TRIM13: variants seen among roughly 807,000 people sequenced by gnomAD.
TRIM13 encodes tripartite motif containing 13, also known as E3 ubiquitin-protein ligase TRIM13.
A neutral mutation model predicts 27.1 loss-of-function variants in TRIM13; 15 were observed. The observed-to-expected ratio is 0.55, with a 90% CI of 0.37 to 0.85. The LOEUF is 0.85. Ranked by LOEUF, TRIM13 falls within the 40% of genes least tolerant of loss-of-function variation. TRIM13 has a pLI of 0.00. For missense variants in TRIM13, 402 were observed against 472.2 expected, an observed-to-expected ratio of 0.85 and a Z score of 1.38; for synonymous variants, 193 against 171.5, an observed-to-expected ratio of 1.13 and a Z score of -0.98.
At chr13:49,999,208 C>G (rs1487980477) in intron 1 of TRIM13, among the ~76,000 whole-genome samples, 2 of 151,952 alleles carry the variant, frequency 1.3e-5, no homozygotes, top group African/African-American at 4.8e-5. Context: ...CAGGTAGAAG[C>G]TACATTTGCA....
intron 1 of TRIM13, among the ~76,000 whole-genome samples, chr13:50,009,411 C>T (rs1875255401): frequency 6.6e-6 from 1 of 152,022 alleles, no homozygotes; most frequent in Non-Finnish European, 1.5e-5. Flanking sequence ...ATTTCTAGAC[C>T]TGCCTGGGCA....
At chr13:49,998,412 C>T (rs1251758764) in intron 1 of TRIM13, among the ~76,000 whole-genome samples, 1 of 152,134 alleles carries the variant, frequency 6.6e-6, no homozygotes, top group Admixed American at 6.5e-5. Flanking sequence ...GTACCTGATA[C>T]CTTATGTAAT....
chr13:50,002,752 G>A (rs1355466613), intron 1 of TRIM13, among the ~76,000 whole-genome samples: 3 of 151,322 alleles, frequency 2.0e-5, no homozygotes, highest in South Asian at 2.1e-4. Flanking sequence ...AACCTCTGCC[G>A]CCTGGGTTCA....
intron 1 of TRIM13, among the ~76,000 whole-genome samples, chr13:50,000,664 G>A (rs1873913856): frequency 6.6e-6 from 1 of 152,202 alleles, no homozygotes; most frequent in Non-Finnish European, 1.5e-5. Context: ...ACGGACACAT[G>A]GGATTGGAAT....
At chr13:50,006,041 GA>G (rs1874666669) in intron 1 of TRIM13, among the ~76,000 whole-genome samples, 1 of 152,006 alleles carries the variant, frequency 6.6e-6, no homozygotes, top group East Asian at 1.9e-4. Flanking sequence ...TAAAGTGAAT[GA>G]AAATAAGAAT....
At chr13:49,998,166 G>A (rs1411352139) in intron 1 of TRIM13, among the ~76,000 whole-genome samples, 4 of 152,124 alleles carry the variant, frequency 2.6e-5, no homozygotes, top group African/African-American at 9.7e-5. Context: ...CCTTCTAGTA[G>A]AACTTGATGG....
intron 1 of TRIM13, among the ~76,000 whole-genome samples, chr13:50,010,593 A>G (rs1182128925): frequency 2.0e-5 from 3 of 152,208 alleles, no homozygotes; most frequent in Non-Finnish European, 2.9e-5. Flanking sequence ...AAATCCTCAC[A>G]TTCATTAATA....
intron 1 of TRIM13, among the ~76,000 whole-genome samples, chr13:50,007,551 C>T (rs565683781): frequency 3.4e-5 from 5 of 148,792 alleles, no homozygotes; most frequent in East Asian, 2.0e-4. Flanking sequence ...GTTTGGGAGG[C>T]GGGTGGATTG....
rs772229756 is a variant in TRIM13, at chr13:50,012,414, T to C, written c.474T>C (p.Leu158=). 3.1e-6 allele frequency: 5 copies of C among 1,614,130 alleles called. No homozygotes were observed. The South Asian group carries it at 5.5e-5, about 18-fold the overall frequency. The change falls in exon 2 of 2, where the codon CTT becomes CTC. Residue 158 remains leucine, a synonymous_variant. Transcript: ENST00000378182. The part of the protein sequence containing the change: ...SFETWRRGDA[L]SRLDTLETSK... ...AGACCTGGCGTCGGGGAGATGCTCT[T>C]TCTCGCTTGGATACCTTGGAAACTA...
chr13:50,012,045 A>G lies in TRIM13; in HGVS notation c.105A>G (p.Glu35=). Residue 35 remains glutamate (E), a synonymous_variant, in exon 2 of 2, where the codon GAA becomes GAG. Coordinates refer to ENST00000378182, the MANE Select transcript of TRIM13 (RefSeq NM_213590.3). ...ACAACTTCTGCAAAAAATGCTTAGA[A>G]GGTATCTTAGAAGGGAGTGTGCGGA... ...CSHNFCKKCL[E]GILEGSVRNS... is the part of the protein sequence containing the mutation. The G allele has an allele frequency of 1.9e-6, 3 of 1,614,110 alleles. No individual in the cohort carries two copies. The highest frequency in any genetic ancestry group is 2.5e-6 in the Non-Finnish European group (3 of 1,180,004).
Position 50,015,559 on chromosome 13 carries a change from G to A in TRIM13, c.*2395G>A, listed in dbSNP as rs765993786. The A allele has an allele frequency of 1.4e-5, 23 of 1,613,964 alleles. No individual in the cohort carries two copies. The East Asian group carries it at 2.5e-4, about 17-fold the overall frequency. ...AGATATTCACGACAAGGTTTTCTAC[G>A]ATAAAGCAGTTTCCTGCTTCTCGTT... is the stretch of plus-strand genomic sequence containing the variant. On this transcript the variant is annotated 3_prime_UTR_variant, in exon 2 of 2. Transcript: ENST00000378182.
At chr13:50,011,902 T>G in intron 1 of TRIM13, 33 bp from the exon 2 acceptor site, 2 of 1,555,796 alleles carry the variant, frequency 1.3e-6, no homozygotes, top group Non-Finnish European at 1.7e-6. Flanking sequence ...GTGACGGTTA[T>G]TGGAGTAAAA....
rs950124164 is a variant in TRIM13 at position 50,012,591 on chromosome 13, A to G, written c.651A>G (p.Pro217=). The G allele has an allele frequency of 6.2e-7, 1 of 1,614,160 alleles. No homozygotes were observed. Among genetic ancestry groups the G allele is most frequent in the Non-Finnish European group, 8.5e-7 (1 of 1,180,014 alleles). ...MKLAVMQAYD[P]EINKLNTILQ... ...TTGCTGTTATGCAAGCATATGACCC[A>G]GAGATCAACAAACTCAACACCATCT... The change falls in exon 2 of 2, where the codon CCA becomes CCG. Residue 217 remains proline, a synonymous_variant. Transcript: ENST00000378182.
intron 1 of TRIM13, among the ~76,000 whole-genome samples, chr13:49,998,641 G>A (rs539813057): frequency 3.9e-5 from 6 of 152,098 alleles, no homozygotes; most frequent in Non-Finnish European, 7.4e-5. Context: ...AAGAGTTCTC[G>A]GTGGAATTTT....
rs1876361477 is a variant in TRIM13, at chr13:50,015,137, A to AGT, written c.*1973_*1974insGT. 1 of 100,118 alleles carries AGT rather than the reference A, an allele frequency of 1.0e-5. No individual in the cohort carries two copies. The highest frequency in any genetic ancestry group is 2.1e-5 in the Non-Finnish European group (1 of 47,884). 6.2% of individuals were successfully genotyped at this position (100,118 alleles called of 1,614,324 possible). A position where few individuals can be genotyped will look rare whatever the true frequency, so the allele number is the denominator to read the frequency against. ...TATATATATATATATATATATATATATATATATATATATAGTTTTACTAGG... is the reference window on the plus strand; with the variant it reads ...TATATATATATATATATATATATATAGTTATATATATATATAGTTTTACTAGG... On this transcript the variant is annotated 3_prime_UTR_variant, in exon 2 of 2. Transcript: ENST00000378182.
At chr13:50,007,714 G>A (rs1460553416) in intron 1 of TRIM13, among the ~76,000 whole-genome samples, 4 of 147,246 alleles carry the variant, frequency 2.7e-5, no homozygotes, top group Admixed American at 6.8e-5. Context: ...CCCGGGAGGC[G>A]GAGGTTGCAG....
Position 50,015,328 on chromosome 13 carries a change from G to A in TRIM13, c.*2164G>A. ...AACTCGAATTTGCAAACACAGCCAT[G>A]GATACACTATTTACCTTACAGTAGT... On this transcript the variant is annotated 3_prime_UTR_variant, in exon 2 of 2. Coordinates refer to ENST00000378182, the MANE Select transcript of TRIM13 (RefSeq NM_213590.3). 1.7e-6 allele frequency: 1 copy of A among 598,498 alleles called. No homozygotes were observed. 37.1% of individuals were successfully genotyped at this position (598,498 alleles called of 1,614,324 possible).
chr13:50,008,197 T>C (rs772918885), intron 1 of TRIM13, among the ~76,000 whole-genome samples: 7 of 152,118 alleles, frequency 4.6e-5, no homozygotes, highest in Non-Finnish European at 8.8e-5. Flanking sequence ...GAGCCACCCG[T>C]GCCCGGCCAA....
chr13:50,002,320 AG>A (rs1470235102), intron 1 of TRIM13, among the ~76,000 whole-genome samples: 2 of 152,066 alleles, frequency 1.3e-5, no homozygotes, highest in Non-Finnish European at 2.9e-5. Context: ...ACCCAGGAAG[AG>A]GAGGCTGCAG....
Sources: gnomAD v4.1 joint callset for allele counts (sites outside exome capture counted in the v4.1 genomes callset) on GRCh38, gnomAD v4.1.1 for gene constraint, MANE v1.5 for transcripts, NCBI Gene and HGNC (gene_info 2026-07-23, HGNC 2026-07-21) for gene names.